The following NAALADL2 variants were observed in gnomAD, a reference collection of about 807,000 sequenced individuals.
The protein encoded by NAALADL2 is inactive N-acetylated-alpha-linked acidic dipeptidase-like protein 2.
In NAALADL2, 76 loss-of-function variants were observed where a neutral mutation model predicts 87.2. The observed-to-expected ratio is 0.87, with a 90% CI of 0.72 to 1.05. The LOEUF is 1.05. Among genes scored for constraint, NAALADL2 ranks in the 50% least tolerant of loss-of-function variants. The probability of loss-of-function intolerance (pLI) is 0.00; values close to 1 mark genes in which losing one functional copy is unlikely to be tolerated. For synonymous variants in NAALADL2, 354 were observed against 331.0 expected, an observed-to-expected ratio of 1.07 and a Z score of -0.75; for missense variants, 1,089 against 945.8, an observed-to-expected ratio of 1.15 and a Z score of -1.99.
At chr3:175,761,923 C>A (rs1748074650) in intron 13 of NAALADL2, among the ~76,000 whole-genome samples, 1 of 152,078 alleles carries the variant, frequency 6.6e-6, no homozygotes, top group Non-Finnish European at 1.5e-5. Flanking sequence ...AGATGTTTTA[C>A]AAAATATTTT....
At chr3:175,249,674 T>C (rs966272784) in intron 3 of NAALADL2, among the ~76,000 whole-genome samples, 2 of 152,160 alleles carry the variant, frequency 1.3e-5, no homozygotes, top group Non-Finnish European at 2.9e-5. Flanking sequence ...AGTATAAAAG[T>C]CTTATTTTGA....
At chr3:174,869,871 CTGTAAT>C (rs911981906) in intron 1 of NAALADL2, among the ~76,000 whole-genome samples, 3 of 151,900 alleles carry the variant, frequency 2.0e-5, no homozygotes, top group African/African-American at 7.3e-5. Context: ...TGGCTCGTGC[CTGTAAT>C]TCCAGCTACT....
chr3:175,541,661 CT>C (rs11439442), intron 9 of NAALADL2, among the ~76,000 whole-genome samples: 1 of 151,746 alleles, frequency 6.6e-6, no homozygotes, highest in Non-Finnish European at 1.5e-5. Context: ...CACTTGTTTC[CT>C]TTTTTTTCCC....
At chr3:175,021,433 T>C (rs1041031680) in intron 1 of NAALADL2, among the ~76,000 whole-genome samples, 1 of 152,078 alleles carries the variant, frequency 6.6e-6, no homozygotes, top group Non-Finnish European at 1.5e-5. Context: ...GTAAAAAAGA[T>C]ACAACCCAGG....
chr3:174,742,368 T>C (rs757328933), intron 3 of NAALADL2, among the ~76,000 whole-genome samples: 1 of 151,684 alleles, frequency 6.6e-6, no homozygotes, highest in South Asian at 2.1e-4. Flanking sequence ...TAGGTAAGAT[T>C]ATTGTTTTTT....
chr3:174,787,175 T>A (rs1354502725), intron 3 of NAALADL2, among the ~76,000 whole-genome samples: 2 of 152,052 alleles, frequency 1.3e-5, no homozygotes, highest in African/African-American at 4.8e-5. Flanking sequence ...GGGTTAGAGT[T>A]AGATTTGGAT....
rs879763075 is a variant in NAALADL2 at position 175,369,396 on chromosome 3, TATA to T, written c.1090+45072_1090+45074del. 474 of 151,866 alleles carry T rather than the reference TATA, an allele frequency of 3.1e-3. 43 individuals carry two copies. The highest frequency in any genetic ancestry group is 0.01 in the African/African-American group (431 of 41,252). The allele number at this position is 151,866 out of a possible 1,614,324, so 9.4% of individuals were successfully genotyped here. A position where few individuals can be genotyped will look rare whatever the true frequency, so the allele number is the denominator to read the frequency against. On this transcript the variant is annotated intron_variant, in intron 5 of 13. Coordinates refer to ENST00000454872, the MANE Select transcript of NAALADL2 (RefSeq NM_207015.3). ...CACCTGATATGTGCATGTATACATA[TATA>T]GGTAACAAGTATGTGTGTGCCTGTG...
chr3:174,874,745 T>C (rs1728263563), intron 1 of NAALADL2, among the ~76,000 whole-genome samples: 1 of 152,160 alleles, frequency 6.6e-6, no homozygotes, highest in South Asian at 2.1e-4. Flanking sequence ...TATGAGTAGA[T>C]GAAATACACA....
At chr3:174,683,934 T>C (rs1030227644) in intron 2 of NAALADL2, among the ~76,000 whole-genome samples, 1 of 152,012 alleles carries the variant, frequency 6.6e-6, no homozygotes. Context: ...TTAGGGAAAG[T>C]TTTAAAAGAA....
chr3:175,565,997 T>C (rs540266420), intron 9 of NAALADL2, among the ~76,000 whole-genome samples: 8 of 152,024 alleles, frequency 5.3e-5, no homozygotes, highest in Admixed American at 3.3e-4. Context: ...ACCCAGCTAA[T>C]TTTTGTATTT....
intron 11 of NAALADL2, among the ~76,000 whole-genome samples, chr3:175,699,056 C>A (rs1236015266): frequency 2.6e-5 from 4 of 151,982 alleles, no homozygotes; most frequent in African/African-American, 9.6e-5. Context: ...GCCCAAAGTA[C>A]TTTTCCTTTA....
chr3:174,986,949 T>G (rs1186031786), intron 1 of NAALADL2, among the ~76,000 whole-genome samples: 2 of 152,178 alleles, frequency 1.3e-5, no homozygotes, highest in East Asian at 3.9e-4. Flanking sequence ...GGCAGTTTTT[T>G]AATGCTTAAA....
rs540462969 is a variant in NAALADL2, at chr3:174,778,170, A to G, written c.-9+40424A>G. Among the ~76,000 whole-genome samples the G allele has an allele frequency of 4.6e-5, 7 of 152,212 alleles. No individual in the cohort carries two copies. In the South Asian group the frequency reaches 1.4e-3, roughly 32 times the overall value. The stretch of plus-strand genomic sequence containing the variant: ...AATGTTGAACTCTGTCCTCAATGCC[A>G]AAGTTTAGGATGGACTCTAAGTTTT... On this transcript the variant is annotated intron_variant, in intron 3 of 3. Coordinates refer to the NAALADL2 transcript ENST00000434257.
intron 11 of NAALADL2, among the ~76,000 whole-genome samples, chr3:175,717,793 A>C (rs1406724152): frequency 6.6e-6 from 1 of 150,800 alleles, no homozygotes; most frequent in Non-Finnish European, 1.5e-5. Flanking sequence ...CAGTGACCTC[A>C]AGAGAGCAGA....
intron 2 of NAALADL2, among the ~76,000 whole-genome samples, chr3:174,580,797 G>C (rs116561739): frequency 6.6e-6 from 1 of 152,180 alleles, no homozygotes; most frequent in Non-Finnish European, 1.5e-5. Flanking sequence ...ATGAACATTT[G>C]AGTGCAAAAT....
chr3:174,996,116 G>A (rs901936997), intron 1 of NAALADL2, among the ~76,000 whole-genome samples: 3 of 152,056 alleles, frequency 2.0e-5, no homozygotes, highest in Non-Finnish European at 4.4e-5. Context: ...ATTTGCCAAC[G>A]GACTTATGTT....
intron 9 of NAALADL2, among the ~76,000 whole-genome samples, chr3:175,519,026 A>G (rs2149412981): frequency 6.6e-6 from 1 of 152,320 alleles, no homozygotes; most frequent in East Asian, 1.9e-4. Flanking sequence ...GCTGTGATCT[A>G]ATGTTAATAG....
At chr3:175,359,907 C>T (rs921152752) in intron 5 of NAALADL2, among the ~76,000 whole-genome samples, 1 of 152,096 alleles carries the variant, frequency 6.6e-6, no homozygotes, top group African/African-American at 2.4e-5. Context: ...TTTCTGAACT[C>T]TCCAGCCAGT....
chr3:175,426,568 T>C (rs1716818775), intron 5 of NAALADL2, among the ~76,000 whole-genome samples: 1 of 152,150 alleles, frequency 6.6e-6, no homozygotes, highest in South Asian at 2.1e-4. Context: ...CACAGGTATG[T>C]AGTGTTAACA....
Sources: gnomAD v4.1 joint callset for allele counts (sites outside exome capture counted in the v4.1 genomes callset) on GRCh38, gnomAD v4.1.1 for gene constraint, MANE v1.5 for transcripts, NCBI Gene and HGNC (gene_info 2026-07-23, HGNC 2026-07-21) for gene names.